PRKD1: variants seen among roughly 807,000 people sequenced by gnomAD.
PRKD1 encodes the protein protein kinase D1.
In PRKD1, 63 loss-of-function variants were observed where a neutral mutation model predicts 95.9. The ratio of observed to expected loss-of-function variants is 0.66; its 90% CI spans 0.54 to 0.81. The LOEUF is 0.81. PRKD1 is among the 30% of genes least tolerant of loss of function. The pLI, the probability that PRKD1 is intolerant of heterozygous loss-of-function variation, is 0.00. For synonymous variants in PRKD1, 425 were observed against 423.1 expected (o/e 1.00, Z -0.05); for missense variants, 1,048 against 1,165.3 (o/e 0.90, Z 1.47).
intron 1 of PRKD1, among the ~76,000 whole-genome samples, chr14:29,731,912 C>G (rs574641879): frequency 6.7e-6 from 1 of 150,072 alleles, no homozygotes; most frequent in African/African-American, 2.5e-5. Flanking sequence ...CTCACTCTGG[C>G]GCCCAGGCTG....
In PRKD1 at chr14:29,843,820, C is replaced by T. The variant is rs568091622; in HGVS notation, c.264+83429G>A. Among the ~76,000 whole-genome samples, 17 of 152,154 alleles carry T rather than the reference C, an allele frequency of 1.1e-4. No individual in the cohort carries two copies. In the South Asian group the frequency reaches 3.1e-3, roughly 28 times the overall value. On this transcript the variant is annotated intron_variant, in intron 1 of 17. Coordinates refer to ENST00000331968, the MANE Select transcript of PRKD1 (RefSeq NM_002742.3). ...AAAATGGTAAATGTTATAGAGAAAA[C>T]AGTATGGGAGATTAAGAGTAATAGT...
At chr14:29,687,532 G>C (rs1472280486) in intron 2 of PRKD1, among the ~76,000 whole-genome samples, 1 of 152,240 alleles carries the variant, frequency 6.6e-6, no homozygotes, top group Non-Finnish European at 1.5e-5. Context: ...TTGTTGCAGA[G>C]AGAGTTAGGC....
At chr14:29,750,744 A>G (rs1887444667) in intron 1 of PRKD1, among the ~76,000 whole-genome samples, 1 of 152,168 alleles carries the variant, frequency 6.6e-6, no homozygotes, top group African/African-American at 2.4e-5. Context: ...TCACATAGAC[A>G]GTGGTCCTGG....
chr14:29,618,134 T>C (rs1019477498), intron 13 of PRKD1, among the ~76,000 whole-genome samples: 2 of 152,228 alleles, frequency 1.3e-5, no homozygotes, highest in African/African-American at 4.8e-5. Context: ...GTCAGTTTTC[T>C]GTGATATCCT....
chr14:29,588,577 G>A (rs1037071300), intron 16 of PRKD1, among the ~76,000 whole-genome samples: 1 of 152,100 alleles, frequency 6.6e-6, no homozygotes, highest in African/African-American at 2.4e-5. Flanking sequence ...GAGACCAGTT[G>A]GAAGAATAAA....
At chr14:29,766,828 T>C (rs938129078) in intron 1 of PRKD1, among the ~76,000 whole-genome samples, 1 of 152,140 alleles carries the variant, frequency 6.6e-6, no homozygotes, top group East Asian at 1.9e-4. Flanking sequence ...CAAAAACTTT[T>C]GTTATAATAT....
chr14:29,764,290 A>G (rs1373127181), intron 1 of PRKD1, among the ~76,000 whole-genome samples: 2 of 152,168 alleles, frequency 1.3e-5, no homozygotes, highest in African/African-American at 2.4e-5. Flanking sequence ...AAAAAAATCT[A>G]AAAAGTACTA....
intron 1 of PRKD1, among the ~76,000 whole-genome samples, chr14:29,868,730 T>C (rs1315773874): frequency 2.6e-5 from 4 of 152,164 alleles, no homozygotes; most frequent in Non-Finnish European, 5.9e-5. Flanking sequence ...CAAAAATTGA[T>C]AGATTATTAG....
At chr14:29,910,352 T>C (rs12323737) in intron 1 of PRKD1, among the ~76,000 whole-genome samples, 35,353 of 151,952 alleles carry the variant, frequency 0.23, 7,850 homozygotes, top group African/African-American at 0.59. Context: ...GAATAAACTC[T>C]GAACACGTCC....
At chr14:29,801,169 G>A (rs963580377) in intron 1 of PRKD1, among the ~76,000 whole-genome samples, 1 of 152,032 alleles carries the variant, frequency 6.6e-6, no homozygotes, top group African/African-American at 2.4e-5. Flanking sequence ...TAGAAACTCA[G>A]GCAGGAGCTG....
intron 1 of PRKD1, among the ~76,000 whole-genome samples, chr14:29,726,565 T>G (rs983181832): frequency 6.6e-6 from 1 of 152,166 alleles, no homozygotes; most frequent in African/African-American, 2.4e-5. Flanking sequence ...AAGAAGCTAC[T>G]GTCGGGGAGA....
At chr14:29,677,318 T>C (rs757340585) in intron 2 of PRKD1, among the ~76,000 whole-genome samples, 14 of 152,180 alleles carry the variant, frequency 9.2e-5, no homozygotes, top group Non-Finnish European at 1.5e-4. Context: ...TTTTTACAGA[T>C]GATGAAATTA....
At chr14:29,756,111 T>C (rs546083602) in intron 1 of PRKD1, among the ~76,000 whole-genome samples, 7 of 152,326 alleles carry the variant, frequency 4.6e-5, no homozygotes, top group African/African-American at 1.4e-4. Context: ...ATTTTTCCTC[T>C]AGTAAGTTCT....
At position 29,808,332 on chromosome 14, in the gene PRKD1, A is replaced by G. The variant is rs377063599; in HGVS notation, c.265-82658T>C. On this transcript the variant is annotated intron_variant, in intron 1 of 17. Coordinates refer to ENST00000331968, the MANE Select transcript of PRKD1 (RefSeq NM_002742.3). ...GCCACTAGTCATCCATTCAAGTTTA[A>G]TCATTAGATTGCAGCAATTCGGTCC... Among the ~76,000 whole-genome samples the G allele has an allele frequency of 5.2e-5, 7 of 134,858 alleles. No homozygotes were observed. The East Asian group carries it at 1.1e-3, about 21-fold the overall frequency. 88.5% of individuals were successfully genotyped at this position (134,858 alleles called of 152,430 possible). A position where few individuals can be genotyped will look rare whatever the true frequency, so the allele number is the denominator to read the frequency against.
intron 1 of PRKD1, among the ~76,000 whole-genome samples, chr14:29,912,810 A>G (rs1308429640): frequency 6.6e-6 from 1 of 152,262 alleles, no homozygotes; most frequent in Admixed American, 6.5e-5. Context: ...ACCCTTCTGC[A>G]TCTAAGTCCA....
chr14:29,698,998 T>C (rs1363297097), intron 2 of PRKD1, among the ~76,000 whole-genome samples: 1 of 152,168 alleles, frequency 6.6e-6, no homozygotes, highest in Non-Finnish European at 1.5e-5. Flanking sequence ...CTTAATGCCA[T>C]GAATATTGCC....
chr14:29,867,785 C>A (rs943884372), intron 1 of PRKD1, among the ~76,000 whole-genome samples: 6 of 152,096 alleles, frequency 3.9e-5, no homozygotes, highest in African/African-American at 1.4e-4. Flanking sequence ...GGAAATGTCC[C>A]AAAAGTAGAT....
chr14:29,738,832 C>CT (rs71443330), intron 1 of PRKD1, among the ~76,000 whole-genome samples: 22,414 of 137,360 alleles, frequency 0.16, 1,953 homozygotes, highest in South Asian at 0.23. Flanking sequence ...TTTCTTTTTT[C>CT]TTTTTTTTTT....
chr14:29,823,495 T>C (rs998458829), intron 1 of PRKD1, among the ~76,000 whole-genome samples: 1 of 152,326 alleles, frequency 6.6e-6, no homozygotes, highest in Admixed American at 6.5e-5. Flanking sequence ...TAAAATATCC[T>C]GGGTCCTGAC....
Sources: gnomAD v4.1 joint callset for allele counts (sites outside exome capture counted in the v4.1 genomes callset) on GRCh38, gnomAD v4.1.1 for gene constraint, MANE v1.5 for transcripts, NCBI Gene and HGNC (gene_info 2026-07-23, HGNC 2026-07-21) for gene names.